The following SETDB1 variants were observed in gnomAD, a reference collection of about 807,000 sequenced individuals.
The protein encoded by SETDB1 is SET domain bifurcated histone lysine methyltransferase 1.
In SETDB1, 31 loss-of-function variants were observed where a neutral mutation model predicts 137.4. That is an observed-to-expected ratio of 0.23 (90% CI 0.17 to 0.30). SETDB1 has a LOEUF of 0.30. Among genes scored for constraint, SETDB1 ranks in the 10% least tolerant of loss-of-function variants. SETDB1 has a pLI of 1.00. For synonymous variants in SETDB1, 548 were observed against 579.9 expected, an observed-to-expected ratio of 0.95 and a Z score of 0.79; for missense variants, 1,113 against 1,631.5, an observed-to-expected ratio of 0.68 and a Z score of 5.47.
chr1:150,937,552 A>G (rs1190993473), intron 3 of SETDB1, among the ~76,000 whole-genome samples: 1 of 152,200 alleles, frequency 6.6e-6, no homozygotes, highest in Non-Finnish European at 1.5e-5. Flanking sequence ...CAGGAGTTCA[A>G]GGCCAGCCTG....
chr1:150,931,607 A>G (rs1319482157), intron 3 of SETDB1, among the ~76,000 whole-genome samples: 1 of 146,452 alleles, frequency 6.8e-6, no homozygotes, highest in African/African-American at 2.5e-5. Flanking sequence ...AACTTAAAGT[A>G]TAATAAAAAA....
At chr1:150,943,810 G>GTGCA (rs1670235825) in intron 7 of SETDB1, 110 bp from the exon 8 acceptor site, 1 of 684,964 alleles carries the variant, frequency 1.5e-6, no homozygotes. Context: ...CTTCCCTGGA[G>GTGCA]TGCATCGTGT....
intron 3 of SETDB1, among the ~76,000 whole-genome samples, chr1:150,931,824 T>C (rs1187401340): frequency 6.6e-6 from 1 of 151,486 alleles, no homozygotes; most frequent in Non-Finnish European, 1.5e-5. Flanking sequence ...GCAGTAGGTT[T>C]TCTATAGATG....
At chr1:150,930,887 T>G (rs1669713415) in intron 3 of SETDB1, among the ~76,000 whole-genome samples, 1 of 152,154 alleles carries the variant, frequency 6.6e-6, no homozygotes, top group South Asian at 2.1e-4. Context: ...TCTGTTTTAC[T>G]TCTTCCTTTC....
At chr1:150,949,016 G>A in intron 10 of SETDB1, 106 bp from the exon 11 acceptor site, 2 of 1,169,766 alleles carry the variant, frequency 1.7e-6, no homozygotes, top group Non-Finnish European at 2.4e-6. Flanking sequence ...ACTGCGCCCA[G>A]CCATTGCTTC....
chr1:150,948,268 C>G (rs1479849628), intron 10 of SETDB1, among the ~76,000 whole-genome samples: 1 of 135,578 alleles, frequency 7.4e-6, no homozygotes, highest in African/African-American at 2.6e-5. Flanking sequence ...GACAGAGTAG[C>G]AATTTTTTTT....
intron 14 of SETDB1, among the ~76,000 whole-genome samples, chr1:150,953,469 T>G (rs587604307): frequency 7.5e-4 from 113 of 149,974 alleles, no homozygotes; most frequent in Non-Finnish European, 3.4e-4. Context: ...GAGGTTGCAG[T>G]GAGCCAAGAC....
At chr1:150,932,335 T>C (rs1215559393) in intron 3 of SETDB1, among the ~76,000 whole-genome samples, 1 of 152,056 alleles carries the variant, frequency 6.6e-6, no homozygotes, top group Admixed American at 6.6e-5. Context: ...AGCAGGGTAA[T>C]ATAGGCCTTG....
At chr1:150,927,579 A>G (rs959162759) in intron 1 of SETDB1, 125 bp from the exon 2 acceptor site, 1 of 814,978 alleles carries the variant, frequency 1.2e-6, no homozygotes, top group Non-Finnish European at 1.9e-6. Context: ...GAGGGAGAAC[A>G]TGGAATATTT....
At chr1:150,931,655 CCA>C (rs1491142529) in intron 3 of SETDB1, among the ~76,000 whole-genome samples, 10 of 14,372 alleles carry the variant, frequency 7.0e-4, no homozygotes, top group South Asian at 4.5e-3. Context: ...TAAAGATAAA[CCA>C]AAAAAAAAAA....
At chr1:150,946,035 T>G (rs1055146596) in intron 9 of SETDB1, among the ~76,000 whole-genome samples, 1 of 137,348 alleles carries the variant, frequency 7.3e-6, no homozygotes, top group South Asian at 2.3e-4. Context: ...TTTGTTTTGT[T>G]TTTTGAGACA....
Position 150,944,886 on chromosome 1 carries a change from G to T in SETDB1, c.950-32G>T, listed in dbSNP as rs757806823. ...TTCCCTATCAAGACATGCCCTACCT[G>T]CCCTCTCAGTTCTACTTCTTCCTTG... On this transcript the variant is annotated intron_variant, in intron 8 of 21. Transcript: ENST00000692827. 8 of 1,611,534 alleles carry T rather than the reference G, an allele frequency of 5.0e-6. No homozygotes were observed. The East Asian group carries it at 1.8e-4, about 36-fold the overall frequency.
In SETDB1 at chr1:150,960,875, G is replaced by C; in HGVS notation, c.2816G>C (p.Gly939Ala). 1 of 1,609,752 alleles carries C rather than the reference G, an allele frequency of 6.2e-7. No individual in the cohort carries two copies. Among genetic ancestry groups the C allele is most frequent in the Non-Finnish European group, 8.5e-7 (1 of 1,177,650 alleles). ...RRQTRGQKEN[G>A]LSETTSKDSH... ...CAGACCCGGGGCCAGAAAGAGAACG[G>C]ACTCTCTGAGACAACTTCCAAGGAC... Residue 939 changes from glycine to alanine, a missense_variant, in exon 16 of 22, where the codon GGA becomes GCA. Physicochemically the swap from Gly to Ala is moderately conservative, Grantham distance 60. Transcript: ENST00000692827.
At chr1:150,935,381 T>G (rs1669914209) in intron 3 of SETDB1, among the ~76,000 whole-genome samples, 1 of 152,122 alleles carries the variant, frequency 6.6e-6, no homozygotes, top group Non-Finnish European at 1.5e-5. Flanking sequence ...TAGATTCAAG[T>G]TTTTCACCAA....
chr1:150,943,795 A>G (rs971382870), intron 7 of SETDB1, 125 bp from the exon 8 acceptor site: 4 of 619,086 alleles, frequency 6.5e-6, no homozygotes, highest in Admixed American at 5.9e-5. Context: ...AGTGGACTGG[A>G]TTGTCTTCCC....
chr1:150,960,515 A>G, intron 15 of SETDB1, 48 bp from the exon 16 acceptor site: 1 of 1,496,450 alleles, frequency 6.7e-7, no homozygotes, highest in Non-Finnish European at 8.9e-7. Context: ...AAAAAAAACT[A>G]ATAGGTCCCC....
intron 10 of SETDB1, among the ~76,000 whole-genome samples, chr1:150,947,402 A>G (rs1471893150): frequency 1.3e-5 from 2 of 151,594 alleles, no homozygotes; most frequent in Admixed American, 6.6e-5. Flanking sequence ...CAAGCTGTCT[A>G]CCTGCCTCGG....
At chr1:150,962,821 CT>C in intron 18 of SETDB1, 102 bp downstream of exon 18, 1 of 1,473,992 alleles carries the variant, frequency 6.8e-7, no homozygotes, top group South Asian at 1.2e-5. Flanking sequence ...TCTCCTACTT[CT>C]TTAGCCTTGA....
chr1:150,954,805 A>C (rs1391212184), intron 14 of SETDB1, among the ~76,000 whole-genome samples: 1 of 152,200 alleles, frequency 6.6e-6, no homozygotes, highest in Non-Finnish European at 1.5e-5. Flanking sequence ...ATTTTTTTAG[A>C]CATGCAGTAC....
Sources: gnomAD v4.1 joint callset for allele counts (sites outside exome capture counted in the v4.1 genomes callset) on GRCh38, gnomAD v4.1.1 for gene constraint, MANE v1.5 for transcripts, NCBI Gene and HGNC (gene_info 2026-07-23, HGNC 2026-07-21) for gene names.